FERMT2: variants seen among roughly 807,000 people sequenced by gnomAD.
FERMT2 encodes fermitin family homolog 2.
Under a neutral mutation model 82.7 loss-of-function variants are expected in FERMT2, and 15 were observed. The observed-to-expected ratio is 0.18, with a 90% CI of 0.12 to 0.28. The LOEUF is 0.28. FERMT2 is among the 10% of genes least tolerant of loss of function. FERMT2 has a pLI of 1.00. For synonymous variants in FERMT2, 274 were observed against 271.5 expected, an observed-to-expected ratio of 1.01 and a Z score of -0.09; for missense variants, 645 against 809.4, an observed-to-expected ratio of 0.80 and a Z score of 2.46.
At chr14:52,903,709 T>C (rs552790000) in intron 3 of FERMT2, among the ~76,000 whole-genome samples, 1 of 152,232 alleles carries the variant, frequency 6.6e-6, no homozygotes, top group African/African-American at 2.4e-5. Context: ...AAATATAGTA[T>C]CTCAAAAATT....
At chr14:52,873,045 T>A in intron 9 of FERMT2, 122 bp from the exon 10 acceptor site, 2 of 896,058 alleles carry the variant, frequency 2.2e-6, no homozygotes, top group South Asian at 3.2e-5. Flanking sequence ...CTGAAATTGA[T>A]CCCCCTTGGT....
chr14:52,896,876 G>A, intron 3 of FERMT2, among the ~76,000 whole-genome samples: 1 of 151,860 alleles, frequency 6.6e-6, no homozygotes, highest in Non-Finnish European at 1.5e-5. Context: ...CACACCTAGA[G>A]TCCCAGCTAC....
At chr14:52,877,134 C>T (rs1284513883) in intron 7 of FERMT2, among the ~76,000 whole-genome samples, 1 of 152,162 alleles carries the variant, frequency 6.6e-6, no homozygotes, top group Non-Finnish European at 1.5e-5. Flanking sequence ...TGAGCACCTA[C>T]TATGTGCCAG....
chr14:52,857,666 A>G lies in FERMT2; in HGVS notation c.*711T>C, dbSNP rs1359336654. ...ATTTGTGTTTTTACATTAGTTACAC[A>G]AAATGCATACTTCATAGAACTTTAC... On this transcript the variant is annotated 3_prime_UTR_variant, in exon 15 of 15. Coordinates refer to ENST00000341590, the MANE Select transcript of FERMT2 (RefSeq NM_006832.3). 6.5e-6 allele frequency: 1 copy of G among 152,674 alleles called. No individual in the cohort carries two copies. The highest frequency in any genetic ancestry group is 1.5e-5 in the Non-Finnish European group (1 of 68,042). 9.5% of individuals were successfully genotyped at this position (152,674 alleles called of 1,614,324 possible).
intron 3 of FERMT2, among the ~76,000 whole-genome samples, chr14:52,894,798 G>T (rs1462190764): frequency 6.7e-6 from 1 of 150,198 alleles, no homozygotes; most frequent in Non-Finnish European, 1.5e-5. Context: ...TCAAAATAAT[G>T]AAACTAGAAG....
chr14:52,938,050 G>C (rs748792322), intron 2 of FERMT2, among the ~76,000 whole-genome samples: 1 of 152,260 alleles, frequency 6.6e-6, no homozygotes, highest in East Asian at 1.9e-4. Flanking sequence ...TGTTTATAAG[G>C]ACACTAAGTT....
chr14:52,946,817 C>T (rs937444080), intron 2 of FERMT2, among the ~76,000 whole-genome samples: 1 of 151,980 alleles, frequency 6.6e-6, no homozygotes, highest in African/African-American at 2.4e-5. Context: ...AGATTCCAGG[C>T]ACATGCCACC....
intron 4 of FERMT2, 111 bp from the exon 5 acceptor site, chr14:52,881,580 G>T (rs897758035): frequency 1.1e-6 from 1 of 934,980 alleles, no homozygotes; most frequent in Non-Finnish European, 1.6e-6. Flanking sequence ...GTTTTATTCT[G>T]AAAGGAAAGC....
At position 52,925,904 on chromosome 14, in the gene FERMT2, A is replaced by G. The variant is rs1179442923; in HGVS notation, c.158-6548T>C. On this transcript the variant is annotated intron_variant, in intron 2 of 14. Coordinates refer to ENST00000341590, the MANE Select transcript of FERMT2 (RefSeq NM_006832.3). ...AGTGATCCAACCCCCTTGGCCTCCC[A>G]AAGTGCTGGGATTACAGGCATGAGC... 3.9e-5 allele frequency among the ~76,000 whole-genome samples: 6 copies of G among 152,274 alleles called. No homozygotes were observed. In the East Asian group the frequency reaches 9.7e-4, roughly 24 times the overall value.
At chr14:52,941,646 T>G (rs1890095821) in intron 2 of FERMT2, among the ~76,000 whole-genome samples, 1 of 152,226 alleles carries the variant, frequency 6.6e-6, no homozygotes, top group Admixed American at 6.5e-5. Flanking sequence ...CAATTTTAAA[T>G]GTTCCATGGC....
At chr14:52,896,523 C>T (rs1887261573) in intron 3 of FERMT2, among the ~76,000 whole-genome samples, 1 of 152,158 alleles carries the variant, frequency 6.6e-6, no homozygotes, top group Non-Finnish European at 1.5e-5. Flanking sequence ...AATCCTAGTT[C>T]CACTATTTAT....
At chr14:52,921,473 C>G (rs959069259) in intron 2 of FERMT2, among the ~76,000 whole-genome samples, 8 of 152,226 alleles carry the variant, frequency 5.3e-5, no homozygotes, top group Non-Finnish European at 1.0e-4. Context: ...TAGTACCCTA[C>G]ACCCTACTTT....
chr14:52,887,410 G>A (rs953551779), intron 4 of FERMT2, among the ~76,000 whole-genome samples: 2 of 152,048 alleles, frequency 1.3e-5, no homozygotes, highest in African/African-American at 4.8e-5. Context: ...CTACTTGGGA[G>A]GCGGAGGGAG....
At chr14:52,860,248 G>A (rs960315817) in intron 13 of FERMT2, 93 bp downstream of exon 13, 13 of 1,055,400 alleles carry the variant, frequency 1.2e-5, no homozygotes, top group Non-Finnish European at 1.7e-5. Context: ...GGTCTACATA[G>A]GTATGCTTTA....
At chr14:52,883,983 G>A (rs1886439295) in intron 4 of FERMT2, among the ~76,000 whole-genome samples, 1 of 152,150 alleles carries the variant, frequency 6.6e-6, no homozygotes, top group Non-Finnish European at 1.5e-5. Flanking sequence ...AGAACTGTGA[G>A]CCAATTAAAC....
intron 4 of FERMT2, among the ~76,000 whole-genome samples, chr14:52,886,274 GGA>G (rs142670911): frequency 9.4e-5 from 13 of 138,502 alleles, no homozygotes; most frequent in South Asian, 2.5e-4. Flanking sequence ...CTCTTGGGGG[GGA>G]GAGAGAGAGA....
chr14:52,878,323 A>AT (rs1017929873), intron 7 of FERMT2, among the ~76,000 whole-genome samples: 1 of 152,082 alleles, frequency 6.6e-6, no homozygotes. Flanking sequence ...TGAGAGGATA[A>AT]TTTTTTTCCT....
intron 2 of FERMT2, among the ~76,000 whole-genome samples, chr14:52,932,189 T>C (rs532342980): frequency 6.6e-6 from 1 of 152,236 alleles, no homozygotes; most frequent in African/African-American, 2.4e-5. Context: ...TGACTCTAGA[T>C]GAGTGTGATT....
At chr14:52,918,060 T>C (rs935397647) in intron 3 of FERMT2, among the ~76,000 whole-genome samples, 1 of 152,224 alleles carries the variant, frequency 6.6e-6, no homozygotes, top group African/African-American at 2.4e-5. Context: ...TTTGAAAATG[T>C]TGCAGCATTT....
Sources: gnomAD v4.1 joint callset for allele counts (sites outside exome capture counted in the v4.1 genomes callset) on GRCh38, gnomAD v4.1.1 for gene constraint, MANE v1.5 for transcripts, NCBI Gene and HGNC (gene_info 2026-07-23, HGNC 2026-07-21) for gene names.